Variants in HECTD2 observed in about 807,000 individuals in gnomAD.
HECTD2 encodes HECT domain E3 ubiquitin protein ligase 2, also known as probable E3 ubiquitin-protein ligase HECTD2.
In HECTD2, 35 loss-of-function variants were observed where a neutral mutation model predicts 103.2. The observed-to-expected ratio is 0.34, with a 90% CI of 0.26 to 0.45. The LOEUF is 0.45. Ranked by LOEUF, HECTD2 falls within the 20% of genes least tolerant of loss-of-function variation. The pLI, the probability that HECTD2 is intolerant of heterozygous loss-of-function variation, is 1.00. For synonymous variants in HECTD2, 281 were observed against 329.9 expected (o/e 0.85, Z 1.61); for missense variants, 596 against 937.4 (o/e 0.64, Z 4.76).
intron 7 of HECTD2, 41 bp from the exon 8 acceptor site, chr10:91,482,926 T>C: frequency 1.1e-6 from 1 of 932,500 alleles, no homozygotes; most frequent in South Asian, 1.6e-5. Flanking sequence ...TTTTACGTGT[T>C]AACAGAATTT....
At chr10:91,467,647 C>A (rs537347748) in intron 5 of HECTD2, among the ~76,000 whole-genome samples, 2 of 150,434 alleles carry the variant, frequency 1.3e-5, no homozygotes, top group East Asian at 4.0e-4. Flanking sequence ...CAACATCCCC[C>A]CATCAGAACC....
Position 91,498,763 on chromosome 10 carries a change from G to A in HECTD2, c.1756-109G>A, listed in dbSNP as rs145033788. The A allele has an allele frequency of 4.1e-3, 2,631 of 639,014 alleles. 51 individuals carry two copies. The African/African-American group carries it at 0.043, about 11-fold the overall frequency. The allele number at this position is 639,014 out of a possible 1,614,324, so 39.6% of individuals were successfully genotyped here. A position where few individuals can be genotyped will look rare whatever the true frequency, so the allele number is the denominator to read the frequency against. On this transcript the variant is annotated intron_variant, in intron 16 of 20. Coordinates refer to ENST00000298068, the MANE Select transcript of HECTD2 (RefSeq NM_182765.6). ...GAGCTTAGCCTTTTATAGTTTATGTGTTTAGAAGGAAGGGGGAAAAAAACT... is the reference window on the plus strand; with the variant it reads ...GAGCTTAGCCTTTTATAGTTTATGTATTTAGAAGGAAGGGGGAAAAAAACT...
At chr10:91,441,908 C>CTTT (rs1475951990) in intron 2 of HECTD2, among the ~76,000 whole-genome samples, 5 of 47,708 alleles carry the variant, frequency 1.0e-4, no homozygotes, top group African/African-American at 2.5e-4. Flanking sequence ...TTTTTTTTTT[C>CTTT]TTTTTTTTTT....
At chr10:91,437,640 GTTGTT>G (rs1844182516) in intron 2 of HECTD2, among the ~76,000 whole-genome samples, 1 of 128,742 alleles carries the variant, frequency 7.8e-6, no homozygotes, top group Non-Finnish European at 1.6e-5. Context: ...TTTTTTTTTG[GTTGTT>G]TTGTTTTTTT....
chr10:91,467,327 T>C (rs772478043), intron 5 of HECTD2, among the ~76,000 whole-genome samples: 9 of 152,168 alleles, frequency 5.9e-5, no homozygotes, highest in Non-Finnish European at 8.8e-5. Flanking sequence ...TGGGAACATC[T>C]GCAGTGGAGC....
Position 91,462,152 on chromosome 10 carries a change from G to A in HECTD2, c.568G>A (p.Val190Met), listed in dbSNP as rs1163865360. 2 of 1,590,762 alleles carry A rather than the reference G, an allele frequency of 1.3e-6. No individual in the cohort carries two copies. Among genetic ancestry groups the A allele is most frequent in the African/African-American group, 1.3e-5 (1 of 74,308 alleles). The change falls in exon 5 of 21, where the codon GTG becomes ATG. Residue 190 changes from valine (V) to methionine (M), a missense_variant. Physicochemically the swap from Val to Met is conservative, Grantham distance 21. Transcript: ENST00000298068. ...AGACTCTGGGATTAATGCTAAATTT[G>A]TGAATGCTGTGTATGATACCTTACT... ...IEDSGINAKF[V>M]NAVYDTLLNT...
chr10:91,451,184 T>C (rs1334147092), intron 2 of HECTD2, among the ~76,000 whole-genome samples: 1 of 152,150 alleles, frequency 6.6e-6, no homozygotes, highest in Non-Finnish European at 1.5e-5. Flanking sequence ...TGTAATACTA[T>C]GCAGCCATAA....
chr10:91,484,251 A>G (rs1253967107), intron 8 of HECTD2: 3 of 799,408 alleles, frequency 3.8e-6, no homozygotes, highest in Non-Finnish European at 5.8e-6. Flanking sequence ...TCTGTGAATA[A>G]TGAAGACTGA....
chr10:91,428,608 G>A (rs1229081780), intron 2 of HECTD2, among the ~76,000 whole-genome samples: 1 of 152,052 alleles, frequency 6.6e-6, no homozygotes, highest in East Asian at 1.9e-4. Context: ...TTGTAAGTTG[G>A]ATTCCTAAGT....
intron 2 of HECTD2, among the ~76,000 whole-genome samples, chr10:91,428,371 G>T (rs1410851276): frequency 3.3e-5 from 5 of 150,590 alleles, no homozygotes; most frequent in African/African-American, 1.2e-4. Context: ...CTCTTTTTTG[G>T]TTCCATATGA....
chr10:91,500,541 A>C lies in HECTD2; in HGVS notation c.1990A>C (p.Ser664Arg). Residue 664 changes from serine to arginine, a missense_variant, in exon 19 of 21, where the codon AGT (serine) becomes CGT (arginine). By Grantham distance (110) the Ser-to-Arg change is moderately radical (BLOSUM62 -1). Around this residue, in one of 4 missense-constraint regions of HECTD2, gnomAD observed 69 missense variants for 153.8 expected, o/e 0.45. Transcript: ENST00000298068. ...AGAGGTTGAAATTTTGGTCTGTGGA[A>C]GTCCTGACCTGGATATGCATGCTCT... is the stretch of plus-strand genomic sequence containing the variant. ...PEEVEILVCG[S>R]PDLDMHALQR... The C allele has an allele frequency of 6.2e-7, 1 of 1,611,670 alleles. No homozygotes were observed. The highest frequency in any genetic ancestry group is 8.5e-7 in the Non-Finnish European group (1 of 1,177,776).
chr10:91,497,750 G>A (rs570477641), intron 15 of HECTD2, among the ~76,000 whole-genome samples: 3 of 152,128 alleles, frequency 2.0e-5, no homozygotes, highest in Non-Finnish European at 4.4e-5. Context: ...AACATTAGCA[G>A]ATTTTCATAG....
intron 20 of HECTD2, among the ~76,000 whole-genome samples, chr10:91,511,738 G>A (rs1847430764): frequency 6.6e-6 from 1 of 152,134 alleles, no homozygotes; most frequent in African/African-American, 2.4e-5. Flanking sequence ...CAGAGCTCAG[G>A]CAGTAATGCT....
At chr10:91,484,310 G>T (rs1294338372) in intron 8 of HECTD2, 197 bp from the exon 9 acceptor site, 2 of 1,219,856 alleles carry the variant, frequency 1.6e-6, no homozygotes, top group Admixed American at 2.4e-5. Flanking sequence ...AGTAATTTTG[G>T]TGTTTATTTC....
intron 2 of HECTD2, among the ~76,000 whole-genome samples, chr10:91,430,020 C>T (rs1843767858): frequency 6.6e-6 from 1 of 152,172 alleles, no homozygotes; most frequent in African/African-American, 2.4e-5. Context: ...GCATTTAGTG[C>T]TATAAATTTC....
intron 7 of HECTD2, 45 bp downstream of exon 7, chr10:91,481,184 A>C: frequency 1.3e-4 from 122 of 960,748 alleles, no homozygotes; most frequent in Non-Finnish European, 1.8e-4. Context: ...GTCAGATCTC[A>C]ATCCCTACAT....
intron 2 of HECTD2, among the ~76,000 whole-genome samples, chr10:91,445,363 T>C (rs1422931189): frequency 6.6e-6 from 1 of 152,124 alleles, no homozygotes; most frequent in Non-Finnish European, 1.5e-5. Context: ...GAAATAGTGA[T>C]ATAAAAAAGT....
chr10:91,426,475 C>T (rs891046216), intron 2 of HECTD2, among the ~76,000 whole-genome samples: 47 of 152,056 alleles, frequency 3.1e-4, no homozygotes, highest in African/African-American at 8.4e-4. Flanking sequence ...CAGTGCTAGA[C>T]CTATTCTACA....
chr10:91,427,488 C>T (rs1421404959), intron 2 of HECTD2, among the ~76,000 whole-genome samples: 4 of 152,036 alleles, frequency 2.6e-5, no homozygotes, highest in Non-Finnish European at 4.4e-5. Flanking sequence ...GTGTTCCTGT[C>T]TCACCACATC....
Sources: allele counts gnomAD v4.1 joint callset (sites outside exome capture counted in the v4.1 genomes callset), GRCh38; gene constraint gnomAD v4.1.1; regional missense constraint gnomAD v4.1.1; transcripts MANE v1.5; gene names NCBI Gene and HGNC (gene_info 2026-07-23, HGNC 2026-07-21).